STK17B: variants seen among roughly 807,000 people sequenced by gnomAD.
The protein encoded by STK17B is serine/threonine kinase 17b, also known as serine/threonine-protein kinase 17B.
A neutral mutation model predicts 42.0 loss-of-function variants in STK17B; 21 were observed. The observed-to-expected ratio is 0.50, with a 90% CI of 0.35 to 0.72. The LOEUF (loss-of-function observed/expected upper bound fraction) is 0.72. STK17B is among the 30% of genes least tolerant of loss of function. The probability of loss-of-function intolerance (pLI) is 0.00; values close to 1 mark genes in which losing one functional copy is unlikely to be tolerated. For synonymous variants in STK17B, 143 were observed against 148.4 expected (o/e 0.96, Z 0.26); for missense variants, 349 against 446.0 (o/e 0.78, Z 1.96).
intron 5 of STK17B, among the ~76,000 whole-genome samples, chr2:196,143,009 C>A (rs192251183): frequency 6.6e-6 from 1 of 152,312 alleles, no homozygotes; most frequent in East Asian, 1.9e-4. Flanking sequence ...ATCAAAGGTT[C>A]TTTTTGGCAC....
chr2:196,144,212 C>T (rs567208349), intron 4 of STK17B, among the ~76,000 whole-genome samples: 3 of 150,990 alleles, frequency 2.0e-5, no homozygotes, highest in South Asian at 2.1e-4. Context: ...AAAAAGAGGC[C>T]GGGCATGGTG....
At chr2:196,173,694 A>G (rs1699973427), upstream of STK17B, among the ~76,000 whole-genome samples, 1 of 152,150 alleles carries the variant, frequency 6.6e-6, no homozygotes, top group Admixed American at 6.5e-5. Flanking sequence ...TTGAGTAGGA[A>G]ATCTCCAGGT....
Position 196,136,267 on chromosome 2 carries a change from G to C in STK17B, c.*1180C>G, listed in dbSNP as rs1699404332. 1.3e-5 allele frequency: 2 copies of C among 152,160 alleles called. No homozygotes were observed. Among genetic ancestry groups the C allele is most frequent in the Admixed American group, 1.3e-4 (2 of 15,272 alleles). The allele number at this position is 152,160 out of a possible 1,614,324, so 9.4% of individuals were successfully genotyped here. ...TTCCCCATCATTAGGGCTGGATATA[G>C]TCTCTAGCCATAAGCAAACATTTTG... On this transcript the variant is annotated 3_prime_UTR_variant, in exon 8 of 8. Coordinates refer to ENST00000263955, the MANE Select transcript of STK17B (RefSeq NM_004226.4).
rs1277043063 is a variant in STK17B at position 196,137,603 on chromosome 2, A to C, written c.963T>G (p.Ser321=). The change falls in exon 8 of 8, where the codon TCT becomes TCG. Residue 321 remains serine (S), a synonymous_variant. Coordinates refer to ENST00000263955, the MANE Select transcript of STK17B (RefSeq NM_004226.4). ...SQTQDHSVRS[S]EDKTSKSSCN... Reference sequence around the variant, plus strand: ...AGGAGGATTTAGAAGTCTTGTCTTCAGAGGACCTTACAGAATGATCCTGAG... The same window carrying C: ...AGGAGGATTTAGAAGTCTTGTCTTCCGAGGACCTTACAGAATGATCCTGAG... The C allele has an allele frequency of 6.2e-7, 1 of 1,614,044 alleles. No homozygotes were observed.
intron 3 of STK17B, 49 bp from the exon 4 acceptor site, chr2:196,146,104 C>T: frequency 6.7e-7 from 1 of 1,500,664 alleles, no homozygotes; most frequent in South Asian, 1.3e-5. Flanking sequence ...TTCACCTAAA[C>T]ACTTTTAAAT....
chr2:196,152,096 C>A (rs1026092422), intron 3 of STK17B, among the ~76,000 whole-genome samples: 2 of 131,042 alleles, frequency 1.5e-5, no homozygotes, highest in East Asian at 2.3e-4. Flanking sequence ...ATGTACAAAT[C>A]AAAAAAGTGC....
At position 196,156,666 on chromosome 2, in the gene STK17B, GAACA is replaced by G; in HGVS notation, c.123-19_123-16del. 6.3e-7 allele frequency: 1 copy of G among 1,590,058 alleles called. No individual in the cohort carries two copies. On this transcript the variant is annotated splice_polypyrimidine_tract_variant and intron_variant, in intron 2 of 7. Transcript: ENST00000263955. ...CAAATTTTCCTCTGGGGGAAGATGA[GAACA>G]ATCAATTTTAATTTTTCTGCAGAGA...
chr2:196,154,288 A>G lies in STK17B; in HGVS notation c.335+2151T>C, dbSNP rs142455927. ...AAGATAATAATCACATGGTCTGTAA[A>G]TATCACTACACAGATTAATTAAAAA... On this transcript the variant is annotated intron_variant, in intron 3 of 7. Transcript: ENST00000263955. 922 of 152,302 alleles carry G rather than the reference A, an allele frequency of 6.1e-3. 11 individuals carry two copies. The highest frequency in any genetic ancestry group is 0.01 in the Non-Finnish European group (707 of 68,050). The allele number at this position is 152,302 out of a possible 1,614,324, so 9.4% of individuals were successfully genotyped here.
intron 3 of STK17B, among the ~76,000 whole-genome samples, chr2:196,152,797 A>G (rs1317455352): frequency 2.0e-5 from 3 of 152,214 alleles, no homozygotes; most frequent in Non-Finnish European, 4.4e-5. Context: ...GAAGAAACAT[A>G]TAAAGAATGA....
In STK17B at chr2:196,144,516, A is replaced by C. The variant is rs1187712471; in HGVS notation, c.481-830T>G. 6.8e-3 allele frequency among the ~76,000 whole-genome samples: 945 copies of C among 138,276 alleles called. 16 individuals carry two copies. Among genetic ancestry groups the C allele is most frequent in the African/African-American group, 0.023 (878 of 38,588 alleles). 90.7% of individuals were successfully genotyped at this position (138,276 alleles called of 152,430 possible). On this transcript the variant is annotated intron_variant, in intron 4 of 7. Coordinates refer to ENST00000263955, the MANE Select transcript of STK17B (RefSeq NM_004226.4). ...AAAAAAAAAAAAAAAAAAAAAAAAAAAAAAAAAAAGAACAACAGAAAGGTG... is the reference window on the plus strand; with the variant it reads ...AAAAAAAAAAAAAAAAAAAAAAAAACAAAAAAAAAGAACAACAGAAAGGTG...
At chr2:196,175,333 A>G (rs1284361483), upstream of STK17B, among the ~76,000 whole-genome samples, 2 of 152,246 alleles carry the variant, frequency 1.3e-5, no homozygotes, top group Non-Finnish European at 2.9e-5. Flanking sequence ...TGAACAAACT[A>G]AAGTTTTTCA....
upstream of STK17B, among the ~76,000 whole-genome samples, chr2:196,172,260 G>A (rs973177237): frequency 1.8e-4 from 25 of 140,446 alleles, no homozygotes; most frequent in Non-Finnish European, 3.0e-4. Flanking sequence ...ATAGTGCTAA[G>A]GAAAAAGATG....
At chr2:196,148,985 T>C (rs760751683) in intron 3 of STK17B, among the ~76,000 whole-genome samples, 2 of 152,222 alleles carry the variant, frequency 1.3e-5, no homozygotes, top group African/African-American at 2.4e-5. Flanking sequence ...AATGTGCCTC[T>C]GTTTCTTCTA....
chr2:196,151,508 G>A (rs911259655), intron 3 of STK17B: 7 of 152,368 alleles, frequency 4.6e-5, no homozygotes, highest in African/African-American at 1.7e-4. Context: ...TGGGATTACA[G>A]GTGTGAGCCA....
intron 2 of STK17B, among the ~76,000 whole-genome samples, chr2:196,156,869 C>T (rs988698300): frequency 6.6e-6 from 1 of 152,088 alleles, no homozygotes; most frequent in Admixed American, 6.6e-5. Flanking sequence ...ACTATAACAA[C>T]AGGATAAGAC....
intron 4 of STK17B, among the ~76,000 whole-genome samples, chr2:196,145,404 T>C (rs181869226): frequency 1.3e-5 from 2 of 152,104 alleles, no homozygotes; most frequent in South Asian, 4.1e-4. Flanking sequence ...GATAACAACA[T>C]GAGAGATGGA....
rs200155942 is a variant in STK17B at position 196,159,940 on chromosome 2, G to GTGTA, written c.123-3293_123-3290dup. 1.1e-3 allele frequency among the ~76,000 whole-genome samples: 165 copies of GTGTA among 152,224 alleles called. No individual in the cohort carries two copies. The East Asian group carries it at 0.03, about 27-fold the overall frequency. ...AATAAAATTATATATATGTGTGCGT[G>GTGTA]TGTATTCATTTATATACTATGAAGG... is the stretch of plus-strand genomic sequence containing the variant. On this transcript the variant is annotated intron_variant, in intron 2 of 7. Coordinates refer to ENST00000263955, the MANE Select transcript of STK17B (RefSeq NM_004226.4).
intron 2 of STK17B, among the ~76,000 whole-genome samples, chr2:196,159,238 C>T (rs1467285338): frequency 1.3e-5 from 2 of 151,086 alleles, no homozygotes; most frequent in African/African-American, 2.4e-5. Flanking sequence ...TTCAGTTCTG[C>T]AATAATTTTA....
upstream of STK17B, among the ~76,000 whole-genome samples, chr2:196,173,840 A>G (rs1031023378): frequency 5.9e-5 from 9 of 152,114 alleles, no homozygotes; most frequent in African/African-American, 9.7e-5. Flanking sequence ...CATACGTTGA[A>G]ATTCTAACCC....
Sources: gnomAD v4.1 joint callset for allele counts (sites outside exome capture counted in the v4.1 genomes callset) on GRCh38, gnomAD v4.1.1 for gene constraint, MANE v1.5 for transcripts, NCBI Gene and HGNC (gene_info 2026-07-23, HGNC 2026-07-21) for gene names.